Variants in PTPRN2 observed in about 807,000 individuals in gnomAD.
PTPRN2 encodes protein tyrosine phosphatase receptor type N2.
In PTPRN2, 74 loss-of-function variants were observed where a neutral mutation model predicts 118.8. That is an observed-to-expected ratio of 0.62 (90% CI 0.52 to 0.76). The LOEUF is 0.76. Ranked by LOEUF, PTPRN2 falls within the 30% of genes least tolerant of loss-of-function variation. PTPRN2 has a pLI of 0.00. For synonymous variants in PTPRN2, 641 were observed against 608.0 expected, an observed-to-expected ratio of 1.05 and a Z score of -0.80; for missense variants, 1,481 against 1,394.4, an observed-to-expected ratio of 1.06 and a Z score of -0.99.
At chr7:158,531,395 G>A (rs894280547) in intron 1 of PTPRN2, among the ~76,000 whole-genome samples, 3 of 152,230 alleles carry the variant, frequency 2.0e-5, no homozygotes, top group East Asian at 3.9e-4. Context: ...GGGGGCCACA[G>A]GAAGGCCCCA....
intron 3 of PTPRN2, among the ~76,000 whole-genome samples, chr7:158,215,885 C>T (rs1248842356): frequency 6.6e-6 from 1 of 152,076 alleles, no homozygotes; most frequent in Non-Finnish European, 1.5e-5. Context: ...TTTATGTCTC[C>T]ATATAGAAGA....
intron 2 of PTPRN2, among the ~76,000 whole-genome samples, chr7:158,419,939 G>A (rs1183336847): frequency 1.3e-5 from 2 of 152,136 alleles, no homozygotes; most frequent in East Asian, 1.9e-4. Context: ...ATTGGACCCC[G>A]AGCTGTGCCT....
chr7:158,241,651 G>A (rs1350586201), intron 3 of PTPRN2, among the ~76,000 whole-genome samples: 6 of 152,088 alleles, frequency 3.9e-5, no homozygotes, highest in South Asian at 4.2e-4. Context: ...AAGTGTTCAC[G>A]CCCTGTTTTG....
chr7:158,069,814 A>G (rs1811069086), intron 11 of PTPRN2, among the ~76,000 whole-genome samples: 1 of 152,256 alleles, frequency 6.6e-6, no homozygotes, highest in African/African-American at 2.4e-5. Flanking sequence ...ATGGCAACCA[A>G]CAACTTATAA....
intron 13 of PTPRN2, among the ~76,000 whole-genome samples, chr7:157,681,222 A>G (rs1027509325): frequency 6.6e-6 from 1 of 152,224 alleles, no homozygotes; most frequent in African/African-American, 2.4e-5. Context: ...CTCTGCCTGT[A>G]TGATCTTCCG....
At chr7:157,878,386 TCGGA>T (rs1584935656) in intron 12 of PTPRN2, among the ~76,000 whole-genome samples, 1 of 145,912 alleles carries the variant, frequency 6.9e-6, no homozygotes, top group East Asian at 2.1e-4. Flanking sequence ...CGAGAAGCTC[TCGGA>T]TTCCGTGGGG....
intron 2 of PTPRN2, among the ~76,000 whole-genome samples, chr7:158,402,601 CAG>C (rs1222999994): frequency 6.6e-6 from 1 of 152,220 alleles, no homozygotes; most frequent in African/African-American, 2.4e-5. Flanking sequence ...CCCCAAAATG[CAG>C]AGTCATCGAT....
chr7:158,143,801 T>G (rs1585597992), intron 6 of PTPRN2, among the ~76,000 whole-genome samples: 1 of 152,242 alleles, frequency 6.6e-6, no homozygotes, highest in South Asian at 2.1e-4. Flanking sequence ...AAAGATCCCT[T>G]CTGCCCTCCC....
chr7:157,595,557 CTGG>C lies in PTPRN2; in HGVS notation c.2419-245_2419-243del. ...TTAGGAAGCCAGGAGGTTAGGAAGC[CTGG>C]AGGTTAGGAAGCCAGGAGGTTAGGA... is the stretch of plus-strand genomic sequence containing the variant. On this transcript the variant is annotated intron_variant, in intron 16 of 22. Coordinates refer to ENST00000389418, the MANE Select transcript of PTPRN2 (RefSeq NM_002847.5). Among the ~76,000 whole-genome samples, 2 of 116,264 alleles carry C rather than the reference CTGG, an allele frequency of 1.7e-5. 1 individual carries two copies. Among genetic ancestry groups the C allele is most frequent in the African/African-American group, 8.0e-5 (2 of 25,072 alleles). The allele number at this position is 116,264 out of a possible 152,430, so 76.3% of individuals were successfully genotyped here. A position where few individuals can be genotyped will look rare whatever the true frequency, so the allele number is the denominator to read the frequency against.
At chr7:158,314,761 T>C (rs924777861) in intron 3 of PTPRN2, among the ~76,000 whole-genome samples, 1 of 152,266 alleles carries the variant, frequency 6.6e-6, no homozygotes, top group Non-Finnish European at 1.5e-5. Flanking sequence ...TTGTGGGTGG[T>C]TCTGTGTAAT....
chr7:157,771,790 CAGACACAGACACAA>C (rs1305904738), intron 12 of PTPRN2, among the ~76,000 whole-genome samples: 1 of 150,008 alleles, frequency 6.7e-6, no homozygotes, highest in African/African-American at 2.5e-5. Context: ...CACACACTCA[CAGACACAGACACAA>C]ACACACAGAC....
In PTPRN2 at chr7:158,071,534, GAT is replaced by G. The variant is rs1563391807; in HGVS notation, c.1723+9762_1723+9763del. Among the ~76,000 whole-genome samples, 80 of 123,696 alleles carry G rather than the reference GAT, an allele frequency of 6.5e-4. 8 individuals carry two copies. The highest frequency in any genetic ancestry group is 2.3e-3 in the African/African-American group (71 of 30,572). The allele number at this position is 123,696 out of a possible 152,430, so 81.1% of individuals were successfully genotyped here. A position where few individuals can be genotyped will look rare whatever the true frequency, so the allele number is the denominator to read the frequency against. ...TGCTCGTGGTGGTGGAGATGCTCGTGATGATGGAGGTGCTCCTGGTGGTGGAG... is the reference window on the plus strand; with the variant it reads ...TGCTCGTGGTGGTGGAGATGCTCGTGGATGGAGGTGCTCCTGGTGGTGGAG... On this transcript the variant is annotated intron_variant, in intron 11 of 22. Transcript: ENST00000389418.
At chr7:158,047,707 G>A (rs1186694943) in intron 11 of PTPRN2, among the ~76,000 whole-genome samples, 10 of 152,256 alleles carry the variant, frequency 6.6e-5, no homozygotes, top group Admixed American at 2.0e-4. Context: ...AGAGGCCACC[G>A]GGGAGGGACA....
chr7:158,062,663 G>A lies in PTPRN2; in HGVS notation c.1723+18635C>T, dbSNP rs544391062. 5.3e-5 allele frequency among the ~76,000 whole-genome samples: 8 copies of A among 152,292 alleles called. No individual in the cohort carries two copies. In the South Asian group the frequency reaches 8.3e-4, roughly 16 times the overall value. On this transcript the variant is annotated intron_variant, in intron 11 of 22. Coordinates refer to ENST00000389418, the MANE Select transcript of PTPRN2 (RefSeq NM_002847.5). ...CGTGGGCTCGGCAGGCCCCACACTC[G>A]GAGCTGCCAGCCAGCGCTGCTGGCC...
At chr7:157,919,619 A>T (rs187623967) in intron 11 of PTPRN2, among the ~76,000 whole-genome samples, 1 of 152,368 alleles carries the variant, frequency 6.6e-6, no homozygotes, top group African/African-American at 2.4e-5. Flanking sequence ...AGGGGAAAAA[A>T]TCATAAACTC....
At chr7:158,510,970 T>C (rs1823137511) in intron 1 of PTPRN2, among the ~76,000 whole-genome samples, 1 of 152,166 alleles carries the variant, frequency 6.6e-6, no homozygotes, top group African/African-American at 2.4e-5. Flanking sequence ...CTGCCACCCA[T>C]GTGAGGTCAC....
chr7:157,726,084 G>A (rs1272035895), intron 12 of PTPRN2, among the ~76,000 whole-genome samples: 36 of 112,474 alleles, frequency 3.2e-4, no homozygotes, highest in African/African-American at 8.6e-4. Flanking sequence ...AGAGGAGTGT[G>A]GCCAGACCCT....
chr7:158,312,653 G>A (rs1801931026), intron 3 of PTPRN2, among the ~76,000 whole-genome samples: 1 of 147,932 alleles, frequency 6.8e-6, no homozygotes, highest in South Asian at 2.2e-4. Flanking sequence ...CTTCAAGTGT[G>A]CATGCATGTG....
chr7:158,330,929 C>A lies in PTPRN2; in HGVS notation c.164-13997G>T, dbSNP rs1203339252. Among the ~76,000 whole-genome samples the A allele has an allele frequency of 4.6e-5, 5 of 108,908 alleles. 2 individuals are homozygous for A. Among genetic ancestry groups the A allele is most frequent in the Admixed American group, 2.0e-4 (2 of 9,942 alleles). The allele number at this position is 108,908 out of a possible 152,430, so 71.4% of individuals were successfully genotyped here. A position where few individuals can be genotyped will look rare whatever the true frequency, so the allele number is the denominator to read the frequency against. ...TGACACCTGCAGACGTCACTCACACCCACACTCTCACGATAAGAGCTGTCA... is the reference window on the plus strand; with the variant it reads ...TGACACCTGCAGACGTCACTCACACACACACTCTCACGATAAGAGCTGTCA... On this transcript the variant is annotated intron_variant, in intron 2 of 22. Coordinates refer to ENST00000389418, the MANE Select transcript of PTPRN2 (RefSeq NM_002847.5).
Sources: gnomAD v4.1 joint callset for allele counts (sites outside exome capture counted in the v4.1 genomes callset) on GRCh38, gnomAD v4.1.1 for gene constraint, MANE v1.5 for transcripts, NCBI Gene and HGNC (gene_info 2026-07-23, HGNC 2026-07-21) for gene names.